Variants in THADA observed in about 807,000 individuals in gnomAD.
The protein encoded by THADA is tRNA (32-2'-O)-methyltransferase regulator THADA.
Under a neutral mutation model 219.8 loss-of-function variants are expected in THADA, and 213 were observed. That is an observed-to-expected ratio of 0.97 (90% CI 0.87 to 1.09). THADA has a LOEUF of 1.09. Ranked by LOEUF, THADA falls within the 50% of genes least tolerant of loss-of-function variation. The pLI is 0.00. For missense variants in THADA, 2,956 were observed against 2,311.3 expected (o/e 1.28, Z -5.72); for synonymous variants, 1,018 against 828.9 (o/e 1.23, Z -3.92).
chr2:43,391,907 A>T (rs1486651183), intron 29 of THADA: 1 of 152,228 alleles, frequency 6.6e-6, no homozygotes, highest in Non-Finnish European at 1.5e-5. Context: ...AGTCTTCAAA[A>T]AGAAAGAATA....
rs182788804 is a variant in THADA, at chr2:43,407,847, T to C, written c.4059-9708A>G. Among the ~76,000 whole-genome samples, 1,085 of 152,198 alleles carry C rather than the reference T, an allele frequency of 7.1e-3. 16 individuals carry two copies. The highest frequency in any genetic ancestry group is 0.012 in the Non-Finnish European group (828 of 68,016). ...AATATATGTGGGTTTTCACTCTAGATAGTCTATGGGAACATAAAAAGAATG... is the reference window on the plus strand; with the variant it reads ...AATATATGTGGGTTTTCACTCTAGACAGTCTATGGGAACATAAAAAGAATG... On this transcript the variant is annotated intron_variant, in intron 28 of 37. Transcript: ENST00000405975.
At position 43,367,536 on chromosome 2, in the gene THADA, A is replaced by C. The variant is rs570233394; in HGVS notation, c.4228-23299T>G. Among the ~76,000 whole-genome samples the C allele has an allele frequency of 3.9e-5, 6 of 152,328 alleles. No homozygotes were observed. In the South Asian group the frequency reaches 1.2e-3, roughly 32 times the overall value. On this transcript the variant is annotated intron_variant, in intron 29 of 37. Transcript: ENST00000405975. ...TGGTATTGTGAGCCTGCATTAATTA[A>C]ATGTTCTGAGAAATCCACTTTGACT...
chr2:43,407,054 G>A (rs1033904832), intron 28 of THADA, among the ~76,000 whole-genome samples: 1 of 152,164 alleles, frequency 6.6e-6, no homozygotes, highest in Non-Finnish European at 1.5e-5. Context: ...TCAGCATGTC[G>A]CCTTTCCTTG....
chr2:43,504,019 T>C (rs1291084238), intron 24 of THADA, among the ~76,000 whole-genome samples: 1 of 152,136 alleles, frequency 6.6e-6, no homozygotes, highest in Non-Finnish European at 1.5e-5. Flanking sequence ...ATTTTAGATT[T>C]TCAGATTAGA....
intron 29 of THADA, among the ~76,000 whole-genome samples, chr2:43,345,124 A>G (rs995310277): frequency 3.9e-5 from 6 of 152,242 alleles, no homozygotes; most frequent in African/African-American, 1.2e-4. Context: ...TTTTAATAAC[A>G]TCTGTTTTCT....
rs899848397 is a variant in THADA, at chr2:43,581,825, C to T, written c.637G>A (p.Gly213Arg). 2.5e-6 allele frequency: 4 copies of T among 1,612,692 alleles called. No homozygotes were observed. The highest frequency in any genetic ancestry group is 1.1e-5 in the South Asian group (1 of 90,832). Residue 213 changes from glycine (G) to arginine (R), a missense_variant, in exon 8 of 38, where the codon GGA becomes AGA. Physicochemically the swap from Gly to Arg is moderately radical, Grantham distance 125 (BLOSUM62 -2). Coordinates refer to ENST00000405975, the MANE Select transcript of THADA (RefSeq NM_022065.5). ...GAATCGGAAGTCTTCCAAAGATTTC[C>T]CTGGAAATCTTGTACTTTCTGTACT... is the stretch of plus-strand genomic sequence containing the variant. ...MLVQKVQDFQ[G>R]NLWKTSDSPI...
At chr2:43,493,754 G>A (rs979948659) in intron 25 of THADA, among the ~76,000 whole-genome samples, 1 of 152,072 alleles carries the variant, frequency 6.6e-6, no homozygotes, top group Non-Finnish European at 1.5e-5. Flanking sequence ...AACTAAACTG[G>A]TTGGTTTAAT....
At chr2:43,248,158 T>TAGAGAGAGAGAGAGAGAG (rs1558464105) in intron 36 of THADA, among the ~76,000 whole-genome samples, 1 of 65,190 alleles carries the variant, frequency 1.5e-5, no homozygotes, top group Non-Finnish European at 2.7e-5. Context: ...TATATATATA[T>TAGAGAGAGAGAGAGAGAG]ATATATAGAG....
intron 29 of THADA, among the ~76,000 whole-genome samples, chr2:43,350,753 C>T (rs1477871943): frequency 1.3e-5 from 2 of 152,182 alleles, no homozygotes; most frequent in Non-Finnish European, 2.9e-5. Flanking sequence ...TGCTAGAGGG[C>T]CAGCCAGGAA....
intron 28 of THADA, among the ~76,000 whole-genome samples, chr2:43,420,955 C>T (rs977574202): frequency 4.0e-4 from 61 of 152,302 alleles, no homozygotes; most frequent in Middle Eastern, 3.4e-3. Flanking sequence ...TAAGTAGCTG[C>T]CCAAACAATG....
chr2:43,424,292 T>C (rs1053595861), intron 28 of THADA, among the ~76,000 whole-genome samples: 1 of 152,222 alleles, frequency 6.6e-6, no homozygotes, highest in African/African-American at 2.4e-5. Context: ...GCTTTTAATC[T>C]TCTTCTCATT....
chr2:43,239,206 C>T (rs1049360014), intron 36 of THADA, among the ~76,000 whole-genome samples: 1 of 152,198 alleles, frequency 6.6e-6, no homozygotes, highest in African/African-American at 2.4e-5. Flanking sequence ...CAAACCAGAG[C>T]CTTCAGGGCT....
intron 36 of THADA, among the ~76,000 whole-genome samples, chr2:43,249,760 A>C (rs1669624784): frequency 6.6e-6 from 1 of 151,778 alleles, no homozygotes; most frequent in African/African-American, 2.4e-5. Context: ...TTTTCAAGTG[A>C]CCCTGAATCT....
intron 31 of THADA, among the ~76,000 whole-genome samples, chr2:43,318,040 T>C (rs1351884678): frequency 6.6e-6 from 1 of 152,120 alleles, no homozygotes; most frequent in Non-Finnish European, 1.5e-5. Context: ...TTTTATTTTA[T>C]TTTATTTTAT....
intron 9 of THADA, 124 bp downstream of exon 9, chr2:43,578,389 C>T (rs1287419003): frequency 1.7e-6 from 1 of 587,154 alleles, no homozygotes. Context: ...TCAAGTGACC[C>T]TCCTGCCCTG....
intron 29 of THADA, among the ~76,000 whole-genome samples, chr2:43,389,610 A>ATGC (rs1673105698): frequency 6.6e-6 from 1 of 152,224 alleles, no homozygotes; most frequent in Admixed American, 6.5e-5. Context: ...GGTCTCTCAC[A>ATGC]TGCTGACCTG....
intron 26 of THADA, among the ~76,000 whole-genome samples, chr2:43,442,980 C>A (rs939278270): frequency 6.6e-5 from 10 of 152,202 alleles, no homozygotes; most frequent in Non-Finnish European, 1.5e-4. Context: ...TCTTCCAGGA[C>A]ACATTCCCTG....
chr2:43,291,935 C>T (rs530852312), intron 33 of THADA, 167 bp from the exon 34 acceptor site: 2 of 762,634 alleles, frequency 2.6e-6, no homozygotes, highest in South Asian at 2.0e-5. Flanking sequence ...GTTATTAATG[C>T]AAATCACTGA....
At chr2:43,339,344 G>A (rs1403455806) in intron 30 of THADA, among the ~76,000 whole-genome samples, 1 of 152,214 alleles carries the variant, frequency 6.6e-6, no homozygotes, top group South Asian at 2.1e-4. Flanking sequence ...GCAGTGGCAT[G>A]ATCTCAGCTC....
Sources: allele counts gnomAD v4.1 joint callset (sites outside exome capture counted in the v4.1 genomes callset), GRCh38; gene constraint gnomAD v4.1.1; transcripts MANE v1.5; gene names NCBI Gene and HGNC (gene_info 2026-07-23, HGNC 2026-07-21).